LIMA1: variants seen among roughly 807,000 people sequenced by gnomAD.
The protein encoded by LIMA1 is LIM domain and actin binding 1.
Under a neutral mutation model 62.6 loss-of-function variants are expected in LIMA1, and 52 were observed. The observed-to-expected ratio is 0.83, with a 90% confidence interval of 0.67 to 1.05. The LOEUF (loss-of-function observed/expected upper bound fraction) is 1.05. Ranked by LOEUF, LIMA1 falls within the 50% of genes least tolerant of loss-of-function variation. LIMA1 has a pLI of 0.00. For missense variants in LIMA1, 780 were observed against 902.2 expected, an observed-to-expected ratio of 0.86 and a Z score of 1.74; for synonymous variants, 302 against 317.8, an observed-to-expected ratio of 0.95 and a Z score of 0.53.
At chr12:50,220,117 G>A (rs956325298) in intron 4 of LIMA1, among the ~76,000 whole-genome samples, 7 of 152,014 alleles carry the variant, frequency 4.6e-5, no homozygotes, top group Non-Finnish European at 2.9e-5. Flanking sequence ...CTGGAGTGCA[G>A]TGGCATGATC....
chr12:50,225,059 T>C (rs1446655132), intron 3 of LIMA1, among the ~76,000 whole-genome samples: 2 of 151,770 alleles, frequency 1.3e-5, no homozygotes, highest in African/African-American at 4.8e-5. Flanking sequence ...TGTGCCACCA[T>C]ACCTGGCTAA....
rs773013856 is a variant in LIMA1, at chr12:50,177,490, C to G, written c.1854G>C (p.Met618Ile). ...VSPPIRKGWS[M>I]SEQSEESVGG... Reference sequence around the variant, plus strand: ...CCACAGACTCTTCACTCTGCTCTGACATGCTCCAGCCTTTCCTGATAGGTG... The same window carrying G: ...CCACAGACTCTTCACTCTGCTCTGAGATGCTCCAGCCTTTCCTGATAGGTG... Residue 618 changes from methionine to isoleucine, a missense_variant, in exon 11 of 11, where the codon ATG (methionine) becomes ATC (isoleucine). Transcript: ENST00000341247. 3 of 1,613,812 alleles carry G rather than the reference C, an allele frequency of 1.9e-6. No homozygotes were observed. The Admixed American group carries it at 5.0e-5, about 27-fold the overall frequency.
chr12:50,197,073 C>CTT lies in LIMA1; in HGVS notation c.973-1188_973-1187dup, dbSNP rs34487829. 7.0e-3 allele frequency among the ~76,000 whole-genome samples: 927 copies of CTT among 132,350 alleles called. 15 individuals carry two copies. Among genetic ancestry groups the CTT allele is most frequent in the Middle Eastern group, 0.027 (7 of 258 alleles). 86.8% of individuals were successfully genotyped at this position (132,350 alleles called of 152,430 possible). A position where few individuals can be genotyped will look rare whatever the true frequency, so the allele number is the denominator to read the frequency against. On this transcript the variant is annotated intron_variant, in intron 7 of 10. Transcript: ENST00000341247. ...CCTTGAACCTGTGAGGTAATCTTTG[C>CTT]TTTTTTTTTTTTTTTTTGAATGGAG...
chr12:50,188,649 CAG>C (rs1940685806), intron 9 of LIMA1: 1 of 152,264 alleles, frequency 6.6e-6, no homozygotes, highest in South Asian at 2.1e-4. Context: ...GAGGCAGAGA[CAG>C]AGACAGCTTT....
In LIMA1 at chr12:50,270,160, G is replaced by A. The variant is rs918476300; in HGVS notation, c.-24+13260C>T. On this transcript the variant is annotated intron_variant, in intron 1 of 10. Coordinates refer to ENST00000341247, the MANE Select transcript of LIMA1 (RefSeq NM_016357.5). ...TGAGGCAGGAGAATCTCTTGAACCC[G>A]GGTGGCAGAAGTTGCGATGAGCCGA... Among the ~76,000 whole-genome samples the A allele has an allele frequency of 3.4e-5, 5 of 146,454 alleles. No individual in the cohort carries two copies. The East Asian group carries it at 8.0e-4, about 23-fold the overall frequency.
At chr12:50,220,305 C>T (rs1489249980) in intron 4 of LIMA1, among the ~76,000 whole-genome samples, 11 of 152,108 alleles carry the variant, frequency 7.2e-5, no homozygotes, top group Non-Finnish European at 1.5e-5. Context: ...AGTGATCCCC[C>T]AACCTCTGCC....
chr12:50,178,186 C>T, intron 10 of LIMA1, 117 bp from the exon 11 acceptor site: 1 of 741,424 alleles, frequency 1.3e-6, no homozygotes, highest in East Asian at 3.0e-5. Flanking sequence ...AGAAAAAGAT[C>T]TTTAAAAGCC....
chr12:50,274,805 T>C (rs911552175), intron 1 of LIMA1, among the ~76,000 whole-genome samples: 8 of 151,962 alleles, frequency 5.3e-5, no homozygotes, highest in African/African-American at 1.7e-4. Context: ...GGGGAGAACA[T>C]ATGCAGCCAG....
At chr12:50,265,902 A>G (rs530909125) in intron 1 of LIMA1, among the ~76,000 whole-genome samples, 7 of 151,682 alleles carry the variant, frequency 4.6e-5, no homozygotes, top group Non-Finnish European at 1.0e-4. Context: ...TCCACACAGC[A>G]CCACCCTTCC....
At chr12:50,182,860 C>T (rs1940535259) in intron 9 of LIMA1, among the ~76,000 whole-genome samples, 1 of 152,130 alleles carries the variant, frequency 6.6e-6, no homozygotes, top group Non-Finnish European at 1.5e-5. Flanking sequence ...TATTCTAGCA[C>T]TGATAAAAGC....
At chr12:50,182,314 G>A (rs1346371331) in intron 9 of LIMA1, 5 of 174,992 alleles carry the variant, frequency 2.9e-5, no homozygotes, top group South Asian at 1.5e-4. Flanking sequence ...GACAAGTCAC[G>A]ACCCACATAA....
rs530669386 is a variant in LIMA1 at position 50,271,596 on chromosome 12, C to T, written c.-24+11824G>A. Reference sequence around the variant, plus strand: ...GAAAAACAGATCATTAAGTCACTAGCTTCAAATTTAAGGTAAAGAGTAGAG... The same window carrying T: ...GAAAAACAGATCATTAAGTCACTAGTTTCAAATTTAAGGTAAAGAGTAGAG... On this transcript the variant is annotated intron_variant, in intron 1 of 10. Coordinates refer to ENST00000341247, the MANE Select transcript of LIMA1 (RefSeq NM_016357.5). Among the ~76,000 whole-genome samples the T allele has an allele frequency of 1.6e-3, 246 of 152,168 alleles. 1 individual carries two copies. Among genetic ancestry groups the T allele is most frequent in the African/African-American group, 5.8e-3 (239 of 41,514 alleles).
At chr12:50,226,836 T>TG (rs964835999) in intron 3 of LIMA1, among the ~76,000 whole-genome samples, 12 of 139,062 alleles carry the variant, frequency 8.6e-5, no homozygotes, top group African/African-American at 3.1e-4. Context: ...AGATTCCATA[T>TG]GAAAAAAAAA....
intron 3 of LIMA1, among the ~76,000 whole-genome samples, chr12:50,228,150 G>A (rs1232890176): frequency 1.3e-5 from 2 of 152,136 alleles, no homozygotes; most frequent in East Asian, 1.9e-4. Flanking sequence ...GAGCCACCGC[G>A]CCGGGCCTGA....
intron 1 of LIMA1, among the ~76,000 whole-genome samples, chr12:50,266,612 G>A (rs1055459201): frequency 1.3e-5 from 2 of 152,174 alleles, no homozygotes; most frequent in African/African-American, 4.8e-5. Context: ...TTGCCTACCT[G>A]GGGCGGGGTG....
intron 2 of LIMA1, among the ~76,000 whole-genome samples, chr12:50,241,975 G>A (rs1305415721): frequency 1.2e-4 from 4 of 33,612 alleles, no homozygotes; most frequent in Non-Finnish European, 2.5e-4. Flanking sequence ...TTTTTTTTGC[G>A]GTCCAGCCTC....
At chr12:50,249,163 C>A (rs1052293796) in intron 1 of LIMA1, among the ~76,000 whole-genome samples, 2 of 152,182 alleles carry the variant, frequency 1.3e-5, no homozygotes, top group African/African-American at 2.4e-5. Flanking sequence ...TACCTACATT[C>A]AAGTTTCTTT....
chr12:50,209,228 A>G (rs1235023181), intron 4 of LIMA1, among the ~76,000 whole-genome samples: 1 of 151,990 alleles, frequency 6.6e-6, no homozygotes, highest in African/African-American at 2.4e-5. Flanking sequence ...ATACATCCAT[A>G]TGACTCACAC....
intron 1 of LIMA1, among the ~76,000 whole-genome samples, chr12:50,268,009 T>C (rs780891788): frequency 6.6e-6 from 1 of 152,152 alleles, no homozygotes; most frequent in Non-Finnish European, 1.5e-5. Context: ...ACAACTTACT[T>C]TTTTTTAAAT....
Sources: gnomAD v4.1 joint callset for allele counts (sites outside exome capture counted in the v4.1 genomes callset) on GRCh38, gnomAD v4.1.1 for gene constraint, MANE v1.5 for transcripts, NCBI Gene and HGNC (gene_info 2026-07-23, HGNC 2026-07-21) for gene names.